ITPR2: variants seen among roughly 807,000 people sequenced by gnomAD.
ITPR2 encodes inositol 1,4,5-trisphosphate-gated calcium channel ITPR2.
ITPR2 carries 207 observed loss-of-function variants against 317.1 expected under a neutral mutation model. The ratio of observed to expected loss-of-function variants is 0.65; its 90% confidence interval spans 0.58 to 0.73. The LOEUF is 0.73. Among genes scored for constraint, ITPR2 ranks in the 30% least tolerant of loss-of-function variants. ITPR2 has a pLI of 0.00. For missense variants in ITPR2, 2,613 were observed against 3,284.0 expected (o/e 0.80, Z 4.99); for synonymous variants, 1,156 against 1,149.1 (o/e 1.01, Z -0.12).
chr12:26,576,804 T>C (rs957057880), intron 34 of ITPR2, among the ~76,000 whole-genome samples: 3 of 152,176 alleles, frequency 2.0e-5, no homozygotes, highest in Admixed American at 1.3e-4. Context: ...GGAGGTGCTA[T>C]GGCTTTATTG....
chr12:26,457,251 C>T (rs1007149577), intron 45 of ITPR2, among the ~76,000 whole-genome samples: 1 of 152,118 alleles, frequency 6.6e-6, no homozygotes, highest in African/African-American at 2.4e-5. Flanking sequence ...CTTTTAGATA[C>T]AAAGCAGGAT....
intron 55 of ITPR2, among the ~76,000 whole-genome samples, chr12:26,369,653 T>C (rs920152555): frequency 5.3e-5 from 8 of 152,206 alleles, no homozygotes; most frequent in African/African-American, 1.9e-4. Context: ...TCCCTGATTC[T>C]TGGGAGGGAG....
In ITPR2 at chr12:26,624,401, T is replaced by C. The variant is rs764457001; in HGVS notation, c.3065-45A>G. On this transcript the variant is annotated intron_variant, in intron 23 of 56. Transcript: ENST00000381340. ...AATCTCTTCTTTATCCTATTTTAAT[T>C]AGGAGCCATAATAGTCATATTAATA... is the stretch of plus-strand genomic sequence containing the variant. The C allele has an allele frequency of 2.2e-6, 3 of 1,347,630 alleles. No homozygotes were observed. In the East Asian group the frequency reaches 6.9e-5, roughly 31 times the overall value. The allele number at this position is 1,347,630 out of a possible 1,614,324, so 83.5% of individuals were successfully genotyped here.
intron 2 of ITPR2, among the ~76,000 whole-genome samples, chr12:26,777,564 C>A (rs748103941): frequency 2.6e-5 from 4 of 152,220 alleles, no homozygotes; most frequent in Non-Finnish European, 4.4e-5. Flanking sequence ...AATAGTCTGA[C>A]TCGTGTAGAG....
intron 52 of ITPR2, among the ~76,000 whole-genome samples, chr12:26,408,317 G>C (rs576353236): frequency 6.6e-6 from 1 of 152,090 alleles, no homozygotes; most frequent in East Asian, 1.9e-4. Context: ...TCATCATCAA[G>C]GTTTGTACTG....
intron 45 of ITPR2, among the ~76,000 whole-genome samples, chr12:26,453,964 C>G (rs1351530291): frequency 2.6e-5 from 4 of 152,064 alleles, no homozygotes; most frequent in African/African-American, 9.7e-5. Context: ...AGAACAGTGT[C>G]TGGCACACAA....
rs1946867525 is a variant in ITPR2, at chr12:26,636,395, G to A, written c.2741-4336C>T. On this transcript the variant is annotated intron_variant, in intron 21 of 56. Transcript: ENST00000381340. ...ATAAAACACGAGTTCCATGAGGACAGGGAGTCTACCTTTTTCTAACACCTG... is the reference window on the plus strand; with the variant it reads ...ATAAAACACGAGTTCCATGAGGACAAGGAGTCTACCTTTTTCTAACACCTG... Among the ~76,000 whole-genome samples the A allele has an allele frequency of 2.0e-5, 3 of 152,190 alleles. No homozygotes were observed. The South Asian group carries it at 6.2e-4, about 32-fold the overall frequency.
intron 49 of ITPR2, among the ~76,000 whole-genome samples, chr12:26,426,223 G>A (rs1342923579): frequency 6.6e-6 from 1 of 151,846 alleles, no homozygotes; most frequent in Non-Finnish European, 1.5e-5. Context: ...CTTCTTGAGG[G>A]CCAGTTACCA....
At chr12:26,658,560 T>C (rs1374462808) in intron 16 of ITPR2, among the ~76,000 whole-genome samples, 1 of 152,244 alleles carries the variant, frequency 6.6e-6, no homozygotes, top group Non-Finnish European at 1.5e-5. Context: ...GGCCCATTTC[T>C]ACCTTCTAGC....
chr12:26,472,808 T>C (rs1942325710), intron 45 of ITPR2, among the ~76,000 whole-genome samples: 1 of 152,212 alleles, frequency 6.6e-6, no homozygotes, highest in Admixed American at 6.5e-5. Context: ...CTTTACCCTC[T>C]TTGTCCATTC....
chr12:26,662,677 G>T (rs1008017357), intron 15 of ITPR2, among the ~76,000 whole-genome samples: 2 of 152,140 alleles, frequency 1.3e-5, no homozygotes, highest in Admixed American at 1.3e-4. Flanking sequence ...CTTGTGTTTT[G>T]TTTTGTTTTT....
At chr12:26,565,453 TAA>T (rs60370386) in intron 34 of ITPR2, among the ~76,000 whole-genome samples, 1 of 149,738 alleles carries the variant, frequency 6.7e-6, no homozygotes, top group Admixed American at 6.6e-5. Context: ...AAGGAAGGGA[TAA>T]AAAAAAATTG....
In ITPR2 at chr12:26,596,976, C is replaced by T. The variant is rs760169084; in HGVS notation, c.4161G>A (p.Glu1387=). ...TGATTTCAGTGTAGACATTTTTCCCCTCTGTGCATGCTGCCAGCAACTCCA... is the reference window on the plus strand; with the variant it reads ...TGATTTCAGTGTAGACATTTTTCCCTTCTGTGCATGCTGCCAGCAACTCCA... ...TLVELLAACT[E]GKNVYTEIKC... is the part of the protein sequence containing the mutation. The change falls in exon 31 of 57, where the codon GAG becomes GAA. Residue 1387 remains glutamate (E), a synonymous_variant. Transcript: ENST00000381340. 1.2e-6 allele frequency: 2 copies of T among 1,613,054 alleles called. No homozygotes were observed. The highest frequency in any genetic ancestry group is 1.7e-6 in the Non-Finnish European group (2 of 1,179,544).
intron 32 of ITPR2, among the ~76,000 whole-genome samples, chr12:26,584,879 G>T (rs924671417): frequency 6.6e-6 from 1 of 152,136 alleles, no homozygotes; most frequent in Non-Finnish European, 1.5e-5. Context: ...CAGTAAAAAT[G>T]TTCCTCTAAA....
intron 10 of ITPR2, among the ~76,000 whole-genome samples, chr12:26,694,024 C>G (rs1419375131): frequency 4.6e-5 from 7 of 151,830 alleles, no homozygotes; most frequent in Non-Finnish European, 8.8e-5. Context: ...GAACAAGACT[C>G]TCTTGGCCCT....
At chr12:26,417,400 C>T (rs914964643) in intron 50 of ITPR2, among the ~76,000 whole-genome samples, 1 of 152,132 alleles carries the variant, frequency 6.6e-6, no homozygotes, top group Non-Finnish European at 1.5e-5. Flanking sequence ...TGTCTCCACC[C>T]AAATTTCATC....
chr12:26,801,960 C>G (rs189504147), intron 1 of ITPR2, among the ~76,000 whole-genome samples: 75 of 151,158 alleles, frequency 5.0e-4, no homozygotes, highest in Non-Finnish European at 7.4e-4. Flanking sequence ...AGAGTCATAC[C>G]TAGAATATAA....
intron 45 of ITPR2, among the ~76,000 whole-genome samples, chr12:26,459,702 G>A (rs2136779820): frequency 6.6e-6 from 1 of 152,132 alleles, no homozygotes; most frequent in Non-Finnish European, 1.5e-5. Flanking sequence ...TTCAACTCTT[G>A]AACTTTTACT....
At chr12:26,580,184 G>A in intron 32 of ITPR2, 29 bp from the exon 33 acceptor site, 1 of 1,595,488 alleles carries the variant, frequency 6.3e-7, no homozygotes, top group Non-Finnish European at 8.5e-7. Flanking sequence ...AACTCAATAT[G>A]TTTTATCACA....
Sources: gnomAD v4.1 joint callset for allele counts (sites outside exome capture counted in the v4.1 genomes callset) on GRCh38, gnomAD v4.1.1 for gene constraint, MANE v1.5 for transcripts, NCBI Gene and HGNC (gene_info 2026-07-23, HGNC 2026-07-21) for gene names.